The following SPINK5 variants were observed in gnomAD, a reference collection of about 807,000 sequenced individuals.
SPINK5 encodes serine protease inhibitor Kazal-type 5.
SPINK5 carries 125 observed loss-of-function variants against 151.8 expected under a neutral mutation model. The observed-to-expected ratio is 0.82, with a 90% CI of 0.71 to 0.96. SPINK5 has a LOEUF of 0.96. Among genes scored for constraint, SPINK5 ranks in the 40% least tolerant of loss-of-function variants. The probability of loss-of-function intolerance (pLI) is 0.00; values close to 1 mark genes in which losing one functional copy is unlikely to be tolerated. For missense variants in SPINK5, 1,194 were observed against 1,291.9 expected, an observed-to-expected ratio of 0.92 and a Z score of 1.16; for synonymous variants, 374 against 395.3, an observed-to-expected ratio of 0.95 and a Z score of 0.64.
In SPINK5 at chr5:148,108,779, A is replaced by G. The variant is rs764339601; in HGVS notation, c.1634A>G (p.Asn545Ser). The G allele has an allele frequency of 6.2e-7, 1 of 1,611,994 alleles. No individual in the cohort carries two copies. The highest frequency in any genetic ancestry group is 8.5e-7 in the Non-Finnish European group (1 of 1,178,500). Residue 545 changes from asparagine (N) to serine (S), a missense_variant, in exon 18 of 33, where the codon AAT becomes AGT. Coordinates refer to ENST00000256084, the MANE Select transcript of SPINK5 (RefSeq NM_006846.4). ...AAACTTGAAGAAGAAGAGAAGAAAAATGATAAAGAAGAAAAAGGGAAAGTC... is the reference window on the plus strand; with the variant it reads ...AAACTTGAAGAAGAAGAGAAGAAAAGTGATAAAGAAGAAAAAGGGAAAGTC... Reference protein sequence around the residue: ...VFKLEEEEKKNDKEEKGKVEA... With the variant: ...VFKLEEEEKKSDKEEKGKVEA...
At chr5:148,127,439 C>T (rs532501947) in intron 30 of SPINK5, among the ~76,000 whole-genome samples, 14 of 152,276 alleles carry the variant, frequency 9.2e-5, no homozygotes, top group Admixed American at 8.5e-4. Flanking sequence ...CACCTAGCTT[C>T]CGCTTATTTC....
intron 21 of SPINK5, among the ~76,000 whole-genome samples, chr5:148,115,663 T>C (rs2113174354): frequency 6.6e-6 from 1 of 152,128 alleles, no homozygotes; most frequent in African/African-American, 2.4e-5. Context: ...CACTGTTTTG[T>C]GTTTGTTTTT....
rs1561684738 is a variant in SPINK5 at position 148,094,497 on chromosome 5, G to GT, written c.794+22dup. 5 of 1,611,960 alleles carry GT rather than the reference G, an allele frequency of 3.1e-6. No homozygotes were observed. In the Admixed American group the frequency reaches 5.0e-5, roughly 16 times the overall value. On this transcript the variant is annotated intron_variant, in intron 9 of 32. Transcript: ENST00000256084. ...CTGAAATTTTGTGAGTATAGAAGTG[G>GT]TTTTTTCAGAGTGATTCAAAGGGTG...
chr5:148,124,996 G>C (rs905590271), intron 28 of SPINK5, 159 bp downstream of exon 28: 5 of 1,061,726 alleles, frequency 4.7e-6, no homozygotes, highest in Non-Finnish European at 6.2e-6. Flanking sequence ...AAGATTTTTG[G>C]GGGTTTGGGG....
rs143820381 is a variant in SPINK5, at chr5:148,117,469, C to T, written c.2113-968C>T. Among the ~76,000 whole-genome samples, 724 of 152,218 alleles carry T rather than the reference C, an allele frequency of 4.8e-3. 5 individuals carry two copies. Among genetic ancestry groups the T allele is most frequent in the Non-Finnish European group, 7.6e-3 (518 of 68,014 alleles). ...TTTAAGCAATGTGGGCTTTGTGGGT[C>T]ATATGATGTCTGCTGCAACTATTTT... On this transcript the variant is annotated intron_variant, in intron 22 of 32. Coordinates refer to ENST00000256084, the MANE Select transcript of SPINK5 (RefSeq NM_006846.4).
chr5:148,101,554 C>T, intron 14 of SPINK5, 118 bp downstream of exon 14: 1 of 1,061,436 alleles, frequency 9.4e-7, no homozygotes, highest in Non-Finnish European at 1.4e-6. Flanking sequence ...TTTGTGTTTT[C>T]ATATGTGTTT....
intron 16 of SPINK5, among the ~76,000 whole-genome samples, chr5:148,106,530 G>C (rs1753786752): frequency 6.6e-6 from 1 of 151,822 alleles, no homozygotes; most frequent in South Asian, 2.1e-4. Context: ...TAGACACAGA[G>C]TTTTGCTATT....
At chr5:148,125,596 G>A (rs1296531095) in intron 28 of SPINK5, 127 bp from the exon 29 acceptor site, 1 of 1,614,034 alleles carries the variant, frequency 6.2e-7, no homozygotes, top group African/African-American at 1.3e-5. Context: ...CTTGGCCTCT[G>A]TTGCCAGGAT....
In SPINK5 at chr5:148,117,820, C is replaced by T. The variant is rs1330482816; in HGVS notation, c.2113-617C>T. ...ATGGATTTTGATCCTGGAACCAATC[C>T]CCCAAGTGTACCAAGGGGAAACTGT... On this transcript the variant is annotated intron_variant, in intron 22 of 32. Transcript: ENST00000256084. Among the ~76,000 whole-genome samples, 8 of 152,244 alleles carry T rather than the reference C, an allele frequency of 5.3e-5. No individual in the cohort carries two copies. The East Asian group carries it at 1.2e-3, about 22-fold the overall frequency.
intron 28 of SPINK5, chr5:148,125,390 T>C (rs1754403804): frequency 7.7e-6 from 6 of 777,642 alleles, no homozygotes; most frequent in Middle Eastern, 2.8e-4. Context: ...TTTGTAGAGT[T>C]AGATCCCTGA....
intron 19 of SPINK5, 24 bp downstream of exon 19, chr5:148,111,919 G>C (rs753319871): frequency 2.6e-5 from 42 of 1,613,754 alleles, no homozygotes; most frequent in Non-Finnish European, 3.5e-5. Context: ...AGCCACTGCT[G>C]CTACTGAGTG....
At chr5:148,080,223 G>A (rs1658331101) in intron 4 of SPINK5, among the ~76,000 whole-genome samples, 1 of 151,354 alleles carries the variant, frequency 6.6e-6, no homozygotes, top group South Asian at 2.1e-4. Context: ...AAATGGTACT[G>A]AGAAAAATGA....
intron 20 of SPINK5, 96 bp from the exon 21 acceptor site, chr5:148,114,266 C>CT (rs1754023002): frequency 3.8e-6 from 5 of 1,324,262 alleles, no homozygotes; most frequent in South Asian, 1.3e-5. Context: ...GTCATTTTCT[C>CT]TCTCTTTTTT....
chr5:148,135,297 G>C (rs1754670775), intron 32 of SPINK5, among the ~76,000 whole-genome samples: 1 of 152,148 alleles, frequency 6.6e-6, no homozygotes, highest in Non-Finnish European at 1.5e-5. Context: ...TCTCAGGAGA[G>C]AAAGGTCAAA....
Position 148,123,414 on chromosome 5 carries a change from T to TCTATCTA in SPINK5, c.2539-419_2539-418insCTATCTA, listed in dbSNP as rs751370176. ...TATATATATAGATAGATATAATATA[T>TCTATCTA]TATATATATAGATATATATTATCTA... is the stretch of plus-strand genomic sequence containing the variant. On this transcript the variant is annotated intron_variant, in intron 26 of 32. Coordinates refer to ENST00000256084, the MANE Select transcript of SPINK5 (RefSeq NM_006846.4). 1.0e-3 allele frequency among the ~76,000 whole-genome samples: 135 copies of TCTATCTA among 134,940 alleles called. 1 individual carries two copies. The highest frequency in any genetic ancestry group is 1.6e-3 in the Non-Finnish European group (101 of 65,000). The allele number at this position is 134,940 out of a possible 152,430, so 88.5% of individuals were successfully genotyped here.
At chr5:148,096,910 C>T (rs1295195317) in intron 10 of SPINK5, among the ~76,000 whole-genome samples, 1 of 151,750 alleles carries the variant, frequency 6.6e-6, no homozygotes, top group Non-Finnish European at 1.5e-5. Context: ...AGGCATGAGC[C>T]ACTACACATA....
intron 4 of SPINK5, among the ~76,000 whole-genome samples, chr5:148,085,561 G>A (rs1490941471): frequency 6.6e-6 from 1 of 151,866 alleles, no homozygotes; most frequent in Non-Finnish European, 1.5e-5. Flanking sequence ...CCATTTTTCT[G>A]ATGAGGAAAG....
At chr5:148,122,866 A>ATTTTT (rs111936279) in intron 26 of SPINK5, among the ~76,000 whole-genome samples, 3,278 of 127,644 alleles carry the variant, frequency 0.026, 145 homozygotes, top group African/African-American at 0.09. Context: ...TCGCACAATA[A>ATTTTT]TTTTTTTTTT....
intron 23 of SPINK5, among the ~76,000 whole-genome samples, chr5:148,118,772 T>C (rs896254366): frequency 1.2e-4 from 18 of 152,204 alleles, no homozygotes; most frequent in African/African-American, 4.3e-4. Flanking sequence ...TTGTATTTTC[T>C]ATTACAATTC....
Sources: allele counts gnomAD v4.1 joint callset (sites outside exome capture counted in the v4.1 genomes callset), GRCh38; gene constraint gnomAD v4.1.1; transcripts MANE v1.5; gene names NCBI Gene and HGNC (gene_info 2026-07-23, HGNC 2026-07-21).